Variants in STARD3 observed in about 807,000 individuals in gnomAD.
The protein encoded by STARD3 is stAR-related lipid transfer protein 3.
STARD3 carries 39 observed loss-of-function variants against 62.0 expected under a neutral mutation model. The ratio of observed to expected loss-of-function variants is 0.63; its 90% CI spans 0.49 to 0.82. STARD3 has a LOEUF of 0.82. Among genes scored for constraint, STARD3 ranks in the 40% least tolerant of loss-of-function variants. STARD3 has a pLI of 0.00. For synonymous variants in STARD3, 229 were observed against 242.4 expected (o/e 0.94, Z 0.51); for missense variants, 543 against 584.5 (o/e 0.93, Z 0.73).
At chr17:39,658,587 G>A (rs186056115) in intron 6 of STARD3, 65 bp downstream of exon 6, 28 of 1,568,634 alleles carry the variant, frequency 1.8e-5, no homozygotes, top group South Asian at 3.4e-5. Flanking sequence ...GGGGAGTTGC[G>A]GGCATGAGAG....
At chr17:39,645,353 G>T (rs944925194) in intron 1 of STARD3, among the ~76,000 whole-genome samples, 6 of 152,202 alleles carry the variant, frequency 3.9e-5, no homozygotes, top group African/African-American at 1.2e-4. Context: ...CCACACAGCA[G>T]GTGAATTGTA....
intron 1 of STARD3, among the ~76,000 whole-genome samples, chr17:39,646,375 C>T (rs556717982): frequency 1.3e-5 from 2 of 152,300 alleles, no homozygotes; most frequent in East Asian, 3.9e-4. Context: ...TCCTCAGGCT[C>T]CTGAGTAGCT....
chr17:39,640,062 C>T (rs181797700), intron 1 of STARD3, among the ~76,000 whole-genome samples: 1 of 152,234 alleles, frequency 6.6e-6, no homozygotes, highest in South Asian at 2.1e-4. Flanking sequence ...GAACAGGGTC[C>T]TGTGGCCCCA....
intron 1 of STARD3, chr17:39,652,849 G>A (rs140567388): frequency 0.023 from 3,485 of 153,486 alleles, 51 homozygotes; most frequent in Non-Finnish European, 0.033. Context: ...AGGCCCACCC[G>A]TGAGAAGCAG....
rs7223964 is a variant in STARD3 at position 39,658,400 on chromosome 17, C to T, written c.430-5C>T. The T allele has an allele frequency of 1.2e-3, 1,914 of 1,612,838 alleles. 14 individuals are homozygous for T. The African/African-American group carries it at 0.023, about 19-fold the overall frequency. On this transcript the variant is annotated splice_region_variant and splice_polypyrimidine_tract_variant and intron_variant, in intron 5 of 14. Transcript: ENST00000336308. Reference sequence around the variant, plus strand: ...GCCATGGAGCTCAGCCCCCTCCCTTCACAGCTGCTCAGCAAAGGGGCATTT... The same window carrying T: ...GCCATGGAGCTCAGCCCCCTCCCTTTACAGCTGCTCAGCAAAGGGGCATTT...
Position 39,660,421 on chromosome 17 carries a change from C to T in STARD3, c.859-10C>T. 1.2e-6 allele frequency: 2 copies of T among 1,613,656 alleles called. No homozygotes were observed. Among genetic ancestry groups the T allele is most frequent in the Non-Finnish European group, 8.5e-7 (1 of 1,179,974 alleles). ...CTGGCACCACCCAGCCCTCTGCCGC[C>T]CTGTCCCAGACCTTCCTGCCCTGTC... On this transcript the variant is annotated splice_polypyrimidine_tract_variant and intron_variant, in intron 10 of 14. Transcript: ENST00000336308. The surrounding 1 kb of genome is among the most constrained non-coding windows in gnomAD (Gnocchi z 4.8).
chr17:39,653,870 G>C, intron 2 of STARD3, 120 bp downstream of exon 2: 1 of 1,103,894 alleles, frequency 9.1e-7, no homozygotes, highest in East Asian at 2.5e-5. Flanking sequence ...GTAAAATGAA[G>C]ACTGGGAGGA....
chr17:39,658,479 C>G lies in STARD3; in HGVS notation c.504C>G (p.Phe168Leu), dbSNP rs1455842492. 1.2e-6 allele frequency: 2 copies of G among 1,614,008 alleles called. No homozygotes were observed. The highest frequency in any genetic ancestry group is 1.7e-6 in the Non-Finnish European group (2 of 1,180,006). ...SFVLAWLETW[F>L]LDFKVLPQEA... ...TCCTCGCCTGGTTGGAGACCTGGTT[C>G]CTTGACTTCAAAGTCCTACCCCAGG... The change falls in exon 6 of 15, where the codon TTC becomes TTG. Residue 168 changes from phenylalanine (F) to leucine (L), a missense_variant. By Grantham distance (22) the Phe-to-Leu change is conservative. Coordinates refer to ENST00000336308, the MANE Select transcript of STARD3 (RefSeq NM_006804.4).
intron 2 of STARD3, 46 bp downstream of exon 2, chr17:39,653,796 C>T (rs570311294): frequency 1.5e-5 from 24 of 1,606,318 alleles, no homozygotes; most frequent in East Asian, 8.9e-5. Context: ...GCAGGCCACC[C>T]GGGCCTCAGT....
Position 39,663,199 on chromosome 17 carries a change from G to A in STARD3, c.*291G>A. ...GCCCCACCTTGCCAGGGCAGGGTCT[G>A]GGCTGGGCACCTGACTTGGCTGGGG... On this transcript the variant is annotated 3_prime_UTR_variant, in exon 15 of 15. Transcript: ENST00000336308. The A allele has an allele frequency of 2.4e-6, 1 of 425,396 alleles. No individual in the cohort carries two copies. Among genetic ancestry groups the A allele is most frequent in the Non-Finnish European group, 4.1e-6 (1 of 242,604 alleles). The allele number at this position is 425,396 out of a possible 1,614,324, so 26.4% of individuals were successfully genotyped here. A position where few individuals can be genotyped will look rare whatever the true frequency, so the allele number is the denominator to read the frequency against.
intron 1 of STARD3, among the ~76,000 whole-genome samples, chr17:39,645,158 G>A (rs540233468): frequency 5.9e-5 from 9 of 152,244 alleles, no homozygotes; most frequent in Admixed American, 3.3e-4. Context: ...CAGAGGGGCC[G>A]GTCTCAAGAG....
At chr17:39,654,684 C>T (rs758489597) in intron 2 of STARD3, among the ~76,000 whole-genome samples, 2 of 152,240 alleles carry the variant, frequency 1.3e-5, no homozygotes, top group African/African-American at 2.4e-5. Context: ...GGCCCGATGA[C>T]CTCAGCAAGG....
chr17:39,653,292 T>G, intron 1 of STARD3, 189 bp from the exon 2 acceptor site: 1 of 587,396 alleles, frequency 1.7e-6, no homozygotes, highest in Non-Finnish European at 3.0e-6. Context: ...GGACAGATAA[T>G]TAGCGGAATG....
intron 1 of STARD3, among the ~76,000 whole-genome samples, chr17:39,645,778 T>G (rs920570250): frequency 3.3e-5 from 5 of 151,440 alleles, no homozygotes; most frequent in Non-Finnish European, 5.9e-5. Context: ...CGAAAAGTCT[T>G]GCCAGCTACT....
At chr17:39,641,784 G>A (rs2056984958) in intron 1 of STARD3, among the ~76,000 whole-genome samples, 1 of 152,086 alleles carries the variant, frequency 6.6e-6, no homozygotes, top group African/African-American at 2.4e-5. Flanking sequence ...AATGGCCTTA[G>A]GTTTTTGCCT....
Position 39,659,475 on chromosome 17 carries a change from C to T in STARD3, c.717C>T (p.Ile239=), listed in dbSNP as rs149974039. The T allele has an allele frequency of 4.0e-5, 65 of 1,614,114 alleles. No individual in the cohort carries two copies. In the African/African-American group the frequency reaches 8.1e-4, roughly 20 times the overall value. Residue 239 remains isoleucine, a synonymous_variant, in exon 9 of 15, where the codon ATC becomes ATT. Coordinates refer to ENST00000336308, the MANE Select transcript of STARD3 (RefSeq NM_006804.4). ...CTTCCGTCCAGGAGCGGGAGTACAT[C>T]CGCCAGGGGAAGGAGGCCACGGCAG... ...KSFSAQEREY[I]RQGKEATAVV...
intron 1 of STARD3, among the ~76,000 whole-genome samples, chr17:39,641,317 G>A (rs746097918): frequency 1.3e-5 from 2 of 152,102 alleles, no homozygotes; most frequent in Non-Finnish European, 2.9e-5. Flanking sequence ...CTGTGATAAG[G>A]GAAATGCTGA....
rs371115835 is a variant in STARD3, at chr17:39,660,550, T to C, written c.954+24T>C. 2 of 1,611,914 alleles carry C rather than the reference T, an allele frequency of 1.2e-6. No homozygotes were observed. The highest frequency in any genetic ancestry group is 1.7e-6 in the Non-Finnish European group (2 of 1,178,430). On this transcript the variant is annotated intron_variant, in intron 11 of 14. Transcript: ENST00000336308. The surrounding 1 kb of genome is among the most constrained non-coding windows in gnomAD (Gnocchi z 4.8). The stretch of plus-strand genomic sequence containing the variant: ...AGGTGAGCCCAGTCTGGCTGCCTCT[T>C]AAGGCACAGATGGGGGCACAGCCAC...
chr17:39,658,699 C>A (rs373381137), intron 6 of STARD3, 23 bp from the exon 7 acceptor site: 11 of 1,613,640 alleles, frequency 6.8e-6, no homozygotes, highest in Non-Finnish European at 8.5e-6. Flanking sequence ...GTCCTCGGTC[C>A]GGGACCGAGT....
Sources: allele counts gnomAD v4.1 joint callset (sites outside exome capture counted in the v4.1 genomes callset), GRCh38; gene constraint gnomAD v4.1.1; non-coding constraint Gnocchi (gnomAD v3.1); transcripts MANE v1.5; gene names NCBI Gene and HGNC (gene_info 2026-07-23, HGNC 2026-07-21).